Variants in NECTIN1 observed in about 807,000 individuals in gnomAD.
The protein encoded by NECTIN1 is nectin cell adhesion molecule 1.
In NECTIN1, 23 loss-of-function variants were observed where a neutral mutation model predicts 48.0. That is an observed-to-expected ratio of 0.48 (90% CI 0.34 to 0.68). The LOEUF (loss-of-function observed/expected upper bound fraction) is 0.68. NECTIN1 is among the 30% of genes least tolerant of loss of function. NECTIN1 has a pLI of 0.01. For synonymous variants in NECTIN1, 270 were observed against 288.9 expected (o/e 0.93, Z 0.66); for missense variants, 591 against 709.9 (o/e 0.83, Z 1.90).
chr11:119,666,939 A>T (rs559082128), intron 5 of NECTIN1, among the ~76,000 whole-genome samples: 1 of 152,204 alleles, frequency 6.6e-6, no homozygotes, highest in East Asian at 1.9e-4. Context: ...TCACTCATCC[A>T]AGGTCACGCG....
At position 119,662,296 on chromosome 11, in the gene NECTIN1, C is replaced by G; in HGVS notation, c.*2451G>C. 1 of 985,758 alleles carries G rather than the reference C, an allele frequency of 1.0e-6. No homozygotes were observed. Among genetic ancestry groups the G allele is most frequent in the Non-Finnish European group, 1.2e-6 (1 of 829,952 alleles). The allele number at this position is 985,758 out of a possible 1,614,324, so 61.1% of individuals were successfully genotyped here. A position where few individuals can be genotyped will look rare whatever the true frequency, so the allele number is the denominator to read the frequency against. On this transcript the variant is annotated 3_prime_UTR_variant, in exon 6 of 6. Coordinates refer to ENST00000264025, the MANE Select transcript of NECTIN1 (RefSeq NM_002855.5). This position sits in a 1 kb window ranked among gnomAD's most constrained non-coding sequence, Gnocchi z 5.3. Reference sequence around the variant, plus strand: ...CCCACCTTCCCACAAACTTGGGGCACAGAAAACCTCACATCCCTAGGTCCA... The same window carrying G: ...CCCACCTTCCCACAAACTTGGGGCAGAGAAAACCTCACATCCCTAGGTCCA...
chr11:119,639,404 A>C, intron 6 of NECTIN1: 1 of 200,872 alleles, frequency 5.0e-6, no homozygotes, highest in Non-Finnish European at 1.0e-5. Context: ...TGATTTTTTT[A>C]AAATATCACA....
downstream of NECTIN1, chr11:119,659,012 T>C (rs1257982212): frequency 6.6e-6 from 1 of 152,230 alleles, no homozygotes; most frequent in Non-Finnish European, 1.5e-5. Context: ...CGAAATACTC[T>C]TAACAGATCT....
At chr11:119,720,534 G>A (rs767880359) in intron 1 of NECTIN1, among the ~76,000 whole-genome samples, 3 of 152,268 alleles carry the variant, frequency 2.0e-5, no homozygotes, top group African/African-American at 2.4e-5. Flanking sequence ...AGCACCCCGC[G>A]TGAGCCTGTG....
chr11:119,690,961 G>A (rs919839946), intron 1 of NECTIN1, among the ~76,000 whole-genome samples: 2 of 152,154 alleles, frequency 1.3e-5, no homozygotes, highest in African/African-American at 2.4e-5. Context: ...GTGAAAATGG[G>A]CAGTTATCCT....
exon 8 of NECTIN1, chr11:119,638,125 T>A: frequency 6.2e-7 from 1 of 1,613,688 alleles, no homozygotes; most frequent in Non-Finnish European, 8.5e-7. Context: ...GAGGTTCGGT[T>A]GTCCTTACCG....
At position 119,709,450 on chromosome 11, in the gene NECTIN1, A is replaced by G. The variant is rs1183896886; in HGVS notation, c.79+19025T>C. ...CAGGGGCGCAGAGGAAGCCGAGACT[A>G]CCCTCTAAAGAGTCCTTTCTGTGGG... On this transcript the variant is annotated intron_variant, in intron 1 of 5. Transcript: ENST00000264025. This position sits in a 1 kb window ranked among gnomAD's most constrained non-coding sequence, Gnocchi z 4.1. Among the ~76,000 whole-genome samples, 1 of 151,960 alleles carries G rather than the reference A, an allele frequency of 6.6e-6. No individual in the cohort carries two copies. The highest frequency in any genetic ancestry group is 1.9e-4 in the East Asian group (1 of 5,150).
At chr11:119,654,292 C>CATCT (rs1470755983) in intron 5 of NECTIN1, 2 of 152,142 alleles carry the variant, frequency 1.3e-5, no homozygotes, top group Non-Finnish European at 2.9e-5. Context: ...TCCATCCATC[C>CATCT]ATCCAACCAT....
chr11:119,657,043 C>T (rs1002676861), downstream of NECTIN1, among the ~76,000 whole-genome samples: 2 of 152,214 alleles, frequency 1.3e-5, no homozygotes, highest in African/African-American at 4.8e-5. Flanking sequence ...CCCCTACTTG[C>T]CTCAGGTGGT....
chr11:119,728,790 T>A lies in NECTIN1; in HGVS notation c.-237A>T, dbSNP rs548806010. 3.4e-3 allele frequency: 1,429 copies of A among 419,836 alleles called. 19 individuals carry two copies. The highest frequency in any genetic ancestry group is 0.028 in the African/African-American group (1,330 of 47,870). The allele number at this position is 419,836 out of a possible 1,614,324, so 26.0% of individuals were successfully genotyped here. A position where few individuals can be genotyped will look rare whatever the true frequency, so the allele number is the denominator to read the frequency against. On this transcript the variant is annotated 5_prime_UTR_variant, in exon 1 of 6. Coordinates refer to ENST00000264025, the MANE Select transcript of NECTIN1 (RefSeq NM_002855.5). Reference sequence around the variant, plus strand: ...AGATGCCCGCCGCAAGTTGCACGAGTCATGCCCCTTCGCCTCCTCCGCTCT... The same window carrying A: ...AGATGCCCGCCGCAAGTTGCACGAGACATGCCCCTTCGCCTCCTCCGCTCT...
chr11:119,696,603 G>A (rs1865345009), intron 1 of NECTIN1, among the ~76,000 whole-genome samples: 1 of 152,180 alleles, frequency 6.6e-6, no homozygotes, highest in African/African-American at 2.4e-5. Context: ...AATGAGGGAG[G>A]TGAGTCAGGG....
intron 1 of NECTIN1, among the ~76,000 whole-genome samples, chr11:119,728,108 C>A (rs1865944557): frequency 1.3e-5 from 2 of 152,210 alleles, no homozygotes; most frequent in Admixed American, 6.5e-5. Flanking sequence ...CACCCCAAGA[C>A]GGTGATTACG....
intron 1 of NECTIN1, among the ~76,000 whole-genome samples, chr11:119,681,396 A>G (rs1000022474): frequency 6.6e-6 from 1 of 152,204 alleles, no homozygotes; most frequent in Non-Finnish European, 1.5e-5. Context: ...GGTGCCATGC[A>G]TGGTGGACCT....
chr11:119,689,365 C>T (rs1167057330), intron 1 of NECTIN1, among the ~76,000 whole-genome samples: 1 of 152,210 alleles, frequency 6.6e-6, no homozygotes, highest in Admixed American at 6.5e-5. Flanking sequence ...GGCATTCAGA[C>T]CCTACAGCAT....
chr11:119,700,735 G>A (rs1865436850), intron 1 of NECTIN1, among the ~76,000 whole-genome samples: 1 of 152,258 alleles, frequency 6.6e-6, no homozygotes, highest in Admixed American at 6.5e-5. Flanking sequence ...TGTATGCAAG[G>A]CGTGGCTCTG....
intron 5 of NECTIN1, among the ~76,000 whole-genome samples, chr11:119,648,316 A>ATGGTGGTGGTGATGGTGGTGGTGATGG (rs1565376589): frequency 1.1e-4 from 1 of 8,972 alleles, no homozygotes; most frequent in African/African-American, 5.6e-4. Context: ...GATGGTGGTG[A>ATGGTGGTGGTGATGGTGGTGGTGATGG]TGGTGATGGT....
chr11:119,685,415 C>T (rs1488629117), intron 1 of NECTIN1, among the ~76,000 whole-genome samples: 5 of 152,216 alleles, frequency 3.3e-5, no homozygotes, highest in African/African-American at 9.6e-5. Context: ...AAGGAGGCAG[C>T]GCAGGAGCCC....
At chr11:119,679,285 G>A (rs1327893001) in intron 1 of NECTIN1, among the ~76,000 whole-genome samples, 1 of 152,130 alleles carries the variant, frequency 6.6e-6, no homozygotes, top group Non-Finnish European at 1.5e-5. Flanking sequence ...GAGGTTACTG[G>A]GGGAAACAAA....
At chr11:119,717,957 A>G (rs1198881774) in intron 1 of NECTIN1, among the ~76,000 whole-genome samples, 1 of 152,242 alleles carries the variant, frequency 6.6e-6, no homozygotes, top group African/African-American at 2.4e-5. Context: ...TGTCTGGGCC[A>G]CAGAGGCCGC....
Sources: allele counts gnomAD v4.1 joint callset (sites outside exome capture counted in the v4.1 genomes callset), GRCh38; gene constraint gnomAD v4.1.1; non-coding constraint Gnocchi (gnomAD v3.1); transcripts MANE v1.5; gene names NCBI Gene and HGNC (gene_info 2026-07-23, HGNC 2026-07-21).